DACH1: variants seen among roughly 807,000 people sequenced by gnomAD.
DACH1 encodes dachshund family transcription factor 1.
Under a neutral mutation model 54.2 loss-of-function variants are expected in DACH1, and 12 were observed. The ratio of observed to expected loss-of-function variants is 0.22; its 90% CI spans 0.14 to 0.36. The LOEUF (loss-of-function observed/expected upper bound fraction) is 0.36, where lower values mean the gene tolerates loss of function less well. Ranked by LOEUF, DACH1 falls within the 10% of genes least tolerant of loss-of-function variation. DACH1 has a pLI of 1.00. For synonymous variants in DACH1, 386 were observed against 366.2 expected (o/e 1.05, Z -0.62); for missense variants, 805 against 929.8 (o/e 0.87, Z 1.75).
chr13:71,672,124 A>G (rs1165793206), intron 2 of DACH1, among the ~76,000 whole-genome samples: 1 of 152,048 alleles, frequency 6.6e-6, no homozygotes, highest in Non-Finnish European at 1.5e-5. Flanking sequence ...GTAGAGCAAA[A>G]TAGTACTGTT....
chr13:71,464,698 A>C (rs1876407725), intron 10 of DACH1: 1 of 453,424 alleles, frequency 2.2e-6, no homozygotes, highest in East Asian at 7.0e-5. Context: ...TTTAATTTTA[A>C]TTTCACTTTA....
rs869289138 is a variant in DACH1 at position 71,693,296 on chromosome 13, C to CTTTTTTTTTTTTT, written c.849-11399_849-11387dup. ...AATACCCTCTTATCCATTTGTTTTG[C>CTTTTTTTTTTTTT]TTTTTTTTTTTTTTTTTTTTTTTGA... On this transcript the variant is annotated intron_variant, in intron 1 of 10. Coordinates refer to ENST00000613252, the MANE Select transcript of DACH1 (RefSeq NM_080759.6). Among the ~76,000 whole-genome samples the CTTTTTTTTTTTTT allele has an allele frequency of 5.5e-4, 50 of 90,948 alleles. 4 individuals are homozygous for CTTTTTTTTTTTTT. The highest frequency in any genetic ancestry group is 7.3e-4 in the East Asian group (2 of 2,722). The allele number at this position is 90,948 out of a possible 152,430, so 59.7% of individuals were successfully genotyped here. A position where few individuals can be genotyped will look rare whatever the true frequency, so the allele number is the denominator to read the frequency against.
intron 3 of DACH1, among the ~76,000 whole-genome samples, chr13:71,600,138 C>A (rs1874389727): frequency 6.6e-6 from 1 of 151,932 alleles, no homozygotes; most frequent in South Asian, 2.1e-4. Flanking sequence ...TCAATATAAC[C>A]AATAGGAAAG....
At chr13:71,516,625 C>T (rs979075898) in intron 6 of DACH1, among the ~76,000 whole-genome samples, 3 of 151,734 alleles carry the variant, frequency 2.0e-5, no homozygotes, top group African/African-American at 7.3e-5. Flanking sequence ...TCCTCTGTTC[C>T]TTCTTTTGGC....
At chr13:71,471,437 T>G (rs1046383492) in intron 10 of DACH1, among the ~76,000 whole-genome samples, 5 of 151,628 alleles carry the variant, frequency 3.3e-5, no homozygotes, top group African/African-American at 1.2e-4. Context: ...ATTGGAAAAA[T>G]GTCTATAAAT....
intron 4 of DACH1, among the ~76,000 whole-genome samples, chr13:71,567,331 A>AG (rs1447005777): frequency 6.6e-6 from 1 of 152,114 alleles, no homozygotes; most frequent in East Asian, 1.9e-4. Context: ...TCTGAAAAAA[A>AG]TCTTAAAATG....
rs187734920 is a variant in DACH1, at chr13:71,441,717, C to A, written c.2084-1025G>T. Among the ~76,000 whole-genome samples the A allele has an allele frequency of 5.5e-4, 83 of 152,050 alleles. 2 individuals are homozygous for A. The East Asian group carries it at 0.014, about 26-fold the overall frequency. ...AAAAGATAGTCTAAATATTTATGGACCTCACCTTCAACTTTTATACAACTA... is the reference window on the plus strand; with the variant it reads ...AAAAGATAGTCTAAATATTTATGGAACTCACCTTCAACTTTTATACAACTA... On this transcript the variant is annotated intron_variant, in intron 10 of 10. Coordinates refer to ENST00000613252, the MANE Select transcript of DACH1 (RefSeq NM_080759.6).
chr13:71,483,199 A>C (rs1878200576), intron 7 of DACH1, among the ~76,000 whole-genome samples: 1 of 151,886 alleles, frequency 6.6e-6, no homozygotes, highest in South Asian at 2.1e-4. Context: ...TATGACAGGA[A>C]CAAAGAAGAG....
intron 1 of DACH1, among the ~76,000 whole-genome samples, chr13:71,714,551 A>G (rs1302434223): frequency 6.6e-6 from 1 of 152,054 alleles, no homozygotes; most frequent in African/African-American, 2.4e-5. Flanking sequence ...GCTTACATCC[A>G]GTATTATACA....
intron 6 of DACH1, among the ~76,000 whole-genome samples, chr13:71,543,477 G>A (rs112206385): frequency 2.0e-5 from 3 of 151,916 alleles, no homozygotes; most frequent in East Asian, 1.9e-4. Context: ...CTCTTGATTC[G>A]CATAATGTTT....
intron 3 of DACH1, among the ~76,000 whole-genome samples, chr13:71,612,979 C>T (rs891517821): frequency 9.2e-5 from 14 of 152,162 alleles, no homozygotes; most frequent in Admixed American, 1.3e-4. Flanking sequence ...CCTGCCCTGC[C>T]CTCAGCAAGC....
intron 1 of DACH1, among the ~76,000 whole-genome samples, chr13:71,789,455 T>C (rs1886746019): frequency 6.6e-6 from 1 of 152,154 alleles, no homozygotes; most frequent in South Asian, 2.1e-4. Flanking sequence ...CCATAAAAAG[T>C]ATTATTTCTG....
intron 1 of DACH1, among the ~76,000 whole-genome samples, chr13:71,709,578 C>T (rs1296914473): frequency 1.3e-5 from 2 of 152,050 alleles, no homozygotes; most frequent in East Asian, 1.9e-4. Context: ...TCAAGTAATC[C>T]TTATTTTATT....
At chr13:71,647,116 C>A (rs1878335255) in intron 2 of DACH1, among the ~76,000 whole-genome samples, 1 of 152,160 alleles carries the variant, frequency 6.6e-6, no homozygotes, top group African/African-American at 2.4e-5. Flanking sequence ...TTGACACTAT[C>A]AAATCACTTT....
intron 4 of DACH1, among the ~76,000 whole-genome samples, chr13:71,564,279 T>C (rs1884769495): frequency 6.6e-6 from 1 of 152,056 alleles, no homozygotes; most frequent in Non-Finnish European, 1.5e-5. Flanking sequence ...TTCATTTGTG[T>C]AATACCCTTT....
chr13:71,842,599 T>C (rs1872952762), intron 1 of DACH1, among the ~76,000 whole-genome samples: 1 of 151,322 alleles, frequency 6.6e-6, no homozygotes, highest in Admixed American at 6.6e-5. Context: ...TAAAAAGATA[T>C]TTATAAAGGA....
At chr13:71,585,935 AGAG>A (rs1021809225) in intron 3 of DACH1, among the ~76,000 whole-genome samples, 3 of 152,202 alleles carry the variant, frequency 2.0e-5, no homozygotes, top group African/African-American at 4.8e-5. Context: ...CTCTATCATT[AGAG>A]TTTTCTAAGA....
chr13:71,647,612 A>C (rs1878380554), intron 2 of DACH1, among the ~76,000 whole-genome samples: 1 of 152,172 alleles, frequency 6.6e-6, no homozygotes, highest in African/African-American at 2.4e-5. Flanking sequence ...AATCATAGGC[A>C]AAGAGAACAG....
At chr13:71,680,099 T>C (rs1424945327) in intron 2 of DACH1, among the ~76,000 whole-genome samples, 2 of 152,216 alleles carry the variant, frequency 1.3e-5, no homozygotes, top group Non-Finnish European at 2.9e-5. Flanking sequence ...TACTACCTAT[T>C]TGATTTTTCC....
Sources: gnomAD v4.1 joint callset for allele counts (sites outside exome capture counted in the v4.1 genomes callset) on GRCh38, gnomAD v4.1.1 for gene constraint, MANE v1.5 for transcripts, NCBI Gene and HGNC (gene_info 2026-07-23, HGNC 2026-07-21) for gene names.